ARHGAP15: variants seen among roughly 807,000 people sequenced by gnomAD.
ARHGAP15 encodes Rho GTPase activating protein 15.
ARHGAP15 carries 51 observed loss-of-function variants against 63.7 expected under a neutral mutation model. The observed-to-expected ratio is 0.80, with a 90% CI of 0.64 to 1.01. ARHGAP15 has a LOEUF of 1.01. ARHGAP15 is among the 50% of genes least tolerant of loss of function. The probability of loss-of-function intolerance (pLI) is 0.00; values close to 1 mark genes in which losing one functional copy is unlikely to be tolerated. For missense variants in ARHGAP15, 560 were observed against 564.6 expected, an observed-to-expected ratio of 0.99 and a Z score of 0.08; for synonymous variants, 191 against 193.8, an observed-to-expected ratio of 0.99 and a Z score of 0.12.
chr2:143,445,699 G>C (rs1690103913), intron 8 of ARHGAP15, among the ~76,000 whole-genome samples: 1 of 151,804 alleles, frequency 6.6e-6, no homozygotes, highest in South Asian at 2.1e-4. Flanking sequence ...CATCCTTTAG[G>C]ACTCAGCCCA....
intron 3 of ARHGAP15, among the ~76,000 whole-genome samples, chr2:143,209,553 AT>A (rs1692486995): frequency 6.8e-6 from 1 of 147,476 alleles, no homozygotes; most frequent in East Asian, 2.0e-4. Context: ...AAAATGTGCT[AT>A]GATAAAAAAA....
chr2:143,132,389 C>T (rs1468493037), intron 1 of ARHGAP15, among the ~76,000 whole-genome samples: 1 of 152,166 alleles, frequency 6.6e-6, no homozygotes, highest in Non-Finnish European at 1.5e-5. Context: ...TTTTTCATTC[C>T]TCAGCTCTTC....
intron 11 of ARHGAP15, among the ~76,000 whole-genome samples, chr2:143,581,505 T>C (rs1378222482): frequency 6.6e-6 from 1 of 152,150 alleles, no homozygotes; most frequent in Non-Finnish European, 1.5e-5. Context: ...CAACCTCTCC[T>C]TCTCTCCTCT....
chr2:143,437,259 C>A, intron 8 of ARHGAP15: 1 of 472,142 alleles, frequency 2.1e-6, no homozygotes, highest in Non-Finnish European at 3.8e-6. Flanking sequence ...GTTCCAAGGT[C>A]ATGGTCTCTG....
At chr2:143,655,558 A>G (rs1040695706) in intron 12 of ARHGAP15, among the ~76,000 whole-genome samples, 22 of 152,186 alleles carry the variant, frequency 1.4e-4, no homozygotes, top group African/African-American at 5.3e-4. Context: ...TGGCACTGTT[A>G]AATGTTAGTT....
chr2:143,592,659 G>C (rs1697366213), intron 11 of ARHGAP15, among the ~76,000 whole-genome samples: 1 of 152,190 alleles, frequency 6.6e-6, no homozygotes, highest in Non-Finnish European at 1.5e-5. Flanking sequence ...ATGCAGACTA[G>C]AGCAGCTATG....
chr2:143,417,112 G>C (rs1331757779), intron 6 of ARHGAP15, among the ~76,000 whole-genome samples: 1 of 151,968 alleles, frequency 6.6e-6, no homozygotes, highest in Non-Finnish European at 1.5e-5. Flanking sequence ...ATTGGAGAAT[G>C]TAGTGCCTGA....
At chr2:143,300,661 G>A (rs995536156) in intron 6 of ARHGAP15, among the ~76,000 whole-genome samples, 6 of 151,962 alleles carry the variant, frequency 3.9e-5, no homozygotes, top group African/African-American at 1.5e-4. Flanking sequence ...TCTGTCCAAA[G>A]AGAGAACATA....
chr2:143,493,380 C>T (rs1692672586), intron 9 of ARHGAP15, among the ~76,000 whole-genome samples: 1 of 152,190 alleles, frequency 6.6e-6, no homozygotes, highest in South Asian at 2.1e-4. Context: ...AAGTTATATG[C>T]CAGATTGGTT....
intron 9 of ARHGAP15, among the ~76,000 whole-genome samples, chr2:143,508,002 C>T (rs1693399822): frequency 6.7e-6 from 1 of 149,862 alleles, no homozygotes; most frequent in Non-Finnish European, 1.5e-5. Context: ...TTAGAAGGAT[C>T]ATTTATAAAT....
intron 6 of ARHGAP15, among the ~76,000 whole-genome samples, chr2:143,409,161 T>C (rs1688339990): frequency 6.6e-6 from 1 of 151,980 alleles, no homozygotes. Flanking sequence ...TATTATAGTT[T>C]CAGAGAAAAG....
rs555633404 is a variant in ARHGAP15, at chr2:143,597,124, G to A, written c.1004-27009G>A. On this transcript the variant is annotated intron_variant, in intron 11 of 13. Transcript: ENST00000295095. ...CCTCAAGCTTCCCATGGTAATACATGGCTACTAACTGGATTGAAAGCATAA... is the reference window on the plus strand; with the variant it reads ...CCTCAAGCTTCCCATGGTAATACATAGCTACTAACTGGATTGAAAGCATAA... Among the ~76,000 whole-genome samples, 5 of 150,550 alleles carry A rather than the reference G, an allele frequency of 3.3e-5. No individual in the cohort carries two copies. In the East Asian group the frequency reaches 9.7e-4, roughly 29 times the overall value.
chr2:143,730,119 A>G (rs1685460440), intron 13 of ARHGAP15, among the ~76,000 whole-genome samples: 1 of 152,230 alleles, frequency 6.6e-6, no homozygotes, highest in East Asian at 1.9e-4. Flanking sequence ...ATATATAGAA[A>G]GCTACTTTGA....
chr2:143,508,317 A>G (rs1192668082), intron 9 of ARHGAP15, among the ~76,000 whole-genome samples: 1 of 152,168 alleles, frequency 6.6e-6, no homozygotes, highest in Non-Finnish European at 1.5e-5. Flanking sequence ...CTCAGATGCC[A>G]TTGCCTGAGA....
chr2:143,580,900 T>C (rs541247979), intron 11 of ARHGAP15, among the ~76,000 whole-genome samples: 44 of 152,298 alleles, frequency 2.9e-4, no homozygotes, highest in African/African-American at 1.1e-3. Context: ...AAATAATGGA[T>C]GTTTAATAAT....
chr2:143,378,892 G>T (rs899933370), intron 6 of ARHGAP15, among the ~76,000 whole-genome samples: 1 of 152,016 alleles, frequency 6.6e-6, no homozygotes, highest in African/African-American at 2.4e-5. Context: ...GTAAGTTGAA[G>T]CATGTAAAAT....
chr2:143,198,595 A>T (rs1000663348), intron 2 of ARHGAP15, among the ~76,000 whole-genome samples: 1 of 152,144 alleles, frequency 6.6e-6, no homozygotes, highest in Admixed American at 6.6e-5. Flanking sequence ...AGCTAAAATA[A>T]TCTCTTATGC....
intron 5 of ARHGAP15, among the ~76,000 whole-genome samples, chr2:143,231,424 T>A (rs73962379): frequency 6.6e-6 from 1 of 152,226 alleles, no homozygotes; most frequent in East Asian, 1.9e-4. Context: ...TATCCAGAAG[T>A]AGCATAAAAT....
At chr2:143,185,690 A>G (rs906514933) in intron 2 of ARHGAP15, among the ~76,000 whole-genome samples, 4 of 152,210 alleles carry the variant, frequency 2.6e-5, no homozygotes, top group Admixed American at 6.5e-5. Flanking sequence ...ATTAACTGCT[A>G]TCATAGGAAA....
Sources: gnomAD v4.1 joint callset for allele counts (sites outside exome capture counted in the v4.1 genomes callset) on GRCh38, gnomAD v4.1.1 for gene constraint, MANE v1.5 for transcripts, NCBI Gene and HGNC (gene_info 2026-07-23, HGNC 2026-07-21) for gene names.